HEMK2: variants seen among roughly 807,000 people sequenced by gnomAD.
The protein encoded by HEMK2 is methyltransferase HEMK2.
At chr21:28,600,177 C>T in the HEMK2 span, among the ~76,000 whole-genome samples, 10 of 152,280 alleles carry the variant, frequency 6.6e-5, no homozygotes, top group African/African-American at 2.4e-4. Context: ...GCTTTAACCA[C>T]ACATTTCCCT....
the HEMK2 span, among the ~76,000 whole-genome samples, chr21:28,838,129 C>T: frequency 3.3e-5 from 5 of 152,218 alleles, no homozygotes; most frequent in South Asian, 1.0e-3. Context: ...AAAATTGGTA[C>T]CAATCCTTTT....
At chr21:28,745,648 T>C in the HEMK2 span, among the ~76,000 whole-genome samples, 34,776 of 152,110 alleles carry the variant, frequency 0.23, 4,608 homozygotes, top group African/African-American at 0.35. Flanking sequence ...TCTAATGCTC[T>C]CACGTTGCCT....
At chr21:28,772,724 A>G in the HEMK2 span, among the ~76,000 whole-genome samples, 1 of 152,144 alleles carries the variant, frequency 6.6e-6, no homozygotes, top group African/African-American at 2.4e-5. Flanking sequence ...CAATTCCTCC[A>G]TTAATCTGTT....
the HEMK2 span, among the ~76,000 whole-genome samples, chr21:28,597,475 G>A: frequency 6.6e-6 from 1 of 152,184 alleles, no homozygotes; most frequent in African/African-American, 2.4e-5. Flanking sequence ...GTGATTCAGG[G>A]AAGTGATCAA....
the HEMK2 span, among the ~76,000 whole-genome samples, chr21:28,581,830 T>G: frequency 6.6e-6 from 1 of 152,154 alleles, no homozygotes. Context: ...AAAGGAAAAT[T>G]GAATCCAATG....
chr21:28,811,350 G>A, the HEMK2 span, among the ~76,000 whole-genome samples: 2 of 147,018 alleles, frequency 1.4e-5, no homozygotes, highest in Non-Finnish European at 3.0e-5. Context: ...AGAAAGGAAG[G>A]AAGGAAGGGA....
chr21:28,647,125 A>G, the HEMK2 span, among the ~76,000 whole-genome samples: 1 of 151,990 alleles, frequency 6.6e-6, no homozygotes, highest in Non-Finnish European at 1.5e-5. Flanking sequence ...GGGAACTTGG[A>G]AGAAAATGCA....
At chr21:28,731,834 C>T in the HEMK2 span, among the ~76,000 whole-genome samples, 2 of 124,498 alleles carry the variant, frequency 1.6e-5, no homozygotes, top group Non-Finnish European at 3.3e-5. Flanking sequence ...GTGAGCAGTC[C>T]CTGGAGCCAC....
the HEMK2 span, among the ~76,000 whole-genome samples, chr21:28,620,322 GAA>G: frequency 2.6e-5 from 4 of 152,070 alleles, no homozygotes; most frequent in Non-Finnish European, 4.4e-5. Flanking sequence ...CTATTTTTTG[GAA>G]TAGTTTAAGA....
chr21:28,847,463 C>T, the HEMK2 span, among the ~76,000 whole-genome samples: 1 of 152,022 alleles, frequency 6.6e-6, no homozygotes, highest in African/African-American at 2.4e-5. Flanking sequence ...CACCTTTTAA[C>T]AAAGTTATTT....
At chr21:28,600,315 C>T in the HEMK2 span, among the ~76,000 whole-genome samples, 2 of 152,272 alleles carry the variant, frequency 1.3e-5, no homozygotes, top group Non-Finnish European at 2.9e-5. Flanking sequence ...CAATTCTTGA[C>T]TTCTGTGCAC....
the HEMK2 span, among the ~76,000 whole-genome samples, chr21:28,679,023 G>C: frequency 2.0e-5 from 3 of 152,148 alleles, no homozygotes; most frequent in Non-Finnish European, 2.9e-5. Context: ...CATAATGGCA[G>C]GATCAAATTC....
chr21:28,787,520 A>G, the HEMK2 span, among the ~76,000 whole-genome samples: 1 of 152,228 alleles, frequency 6.6e-6, no homozygotes, highest in Non-Finnish European at 1.5e-5. Context: ...CAGTAAAAAA[A>G]AAGAACAATC....
chr21:28,604,219 G>C, the HEMK2 span, among the ~76,000 whole-genome samples: 2 of 152,126 alleles, frequency 1.3e-5, no homozygotes, highest in Non-Finnish European at 2.9e-5. Context: ...TCCTTTAAAA[G>C]AGGGCCTTTA....
At chr21:28,869,654 T>TA in the HEMK2 span, among the ~76,000 whole-genome samples, 6 of 152,322 alleles carry the variant, frequency 3.9e-5, no homozygotes, top group South Asian at 2.1e-4. Context: ...CACGCTGACT[T>TA]AGAGGTTACA....
At chr21:28,850,676 G>C in the HEMK2 span, among the ~76,000 whole-genome samples, 1 of 152,120 alleles carries the variant, frequency 6.6e-6, no homozygotes, top group Admixed American at 6.6e-5. Context: ...CTAAATATTG[G>C]AACAAAAGAC....
At chr21:28,625,454 C>T in the HEMK2 span, among the ~76,000 whole-genome samples, 1 of 152,132 alleles carries the variant, frequency 6.6e-6, no homozygotes, top group Non-Finnish European at 1.5e-5. Flanking sequence ...TTTTTGGTGG[C>T]TCATGCCTGG....
chr21:28,876,214 T>C, the HEMK2 span: 1 of 433,464 alleles, frequency 2.3e-6, no homozygotes, highest in Non-Finnish European at 4.1e-6. Context: ...CATATTTACT[T>C]GTACTTGTGC....
chr21:28,639,129 G>A, the HEMK2 span, among the ~76,000 whole-genome samples: 13 of 152,118 alleles, frequency 8.5e-5, no homozygotes, highest in African/African-American at 2.2e-4. Flanking sequence ...CTAAAGAAGC[G>A]ATAGCAATGG....
Sources: gnomAD v4.1 joint callset for allele counts (sites outside exome capture counted in the v4.1 genomes callset) on GRCh38, gnomAD v4.1.1 for gene constraint, MANE v1.5 for transcripts, NCBI Gene and HGNC (gene_info 2026-07-23, HGNC 2026-07-21) for gene names.